The following CYSTM1 variants were observed in gnomAD, a reference collection of about 807,000 sequenced individuals.
The protein encoded by CYSTM1 is cysteine-rich transmembrane module-containing protein 1.
CYSTM1 carries 4 observed loss-of-function variants against 13.1 expected under a neutral mutation model. The ratio of observed to expected loss-of-function variants is 0.31; its 90% CI spans 0.15 to 0.70. The LOEUF is 0.70. Ranked by LOEUF, CYSTM1 falls within the 30% of genes least tolerant of loss-of-function variation. CYSTM1 has a pLI of 0.72. For synonymous variants in CYSTM1, 36 were observed against 42.7 expected, an observed-to-expected ratio of 0.84 and a Z score of 0.62; for missense variants, 96 against 121.6, an observed-to-expected ratio of 0.79 and a Z score of 0.99.
rs1372703434 is a variant in CYSTM1 at position 140,239,239 on chromosome 5, G to A, written c.188-4066G>A. ...GATGCCAGAATGGGGCTGAGAATTG[G>A]AGCCTTCACCTGAGAAGGCCTATAC... is the stretch of plus-strand genomic sequence containing the variant. On this transcript the variant is annotated intron_variant, in intron 2 of 2. Transcript: ENST00000261811. This position sits in a 1 kb window ranked among gnomAD's most constrained non-coding sequence, Gnocchi z 5.4. 6.6e-6 allele frequency among the ~76,000 whole-genome samples: 1 copy of A among 152,034 alleles called. No homozygotes were observed. Among genetic ancestry groups the A allele is most frequent in the Non-Finnish European group, 1.5e-5 (1 of 67,978 alleles).
intron 1 of CYSTM1, among the ~76,000 whole-genome samples, chr5:140,182,682 A>C (rs949705379): frequency 6.6e-6 from 1 of 151,152 alleles, no homozygotes; most frequent in African/African-American, 2.4e-5. Context: ...TTCCTTTCAC[A>C]TATAGAGAAC....
chr5:140,211,354 G>T (rs1463345215), intron 2 of CYSTM1, among the ~76,000 whole-genome samples: 1 of 152,224 alleles, frequency 6.6e-6, no homozygotes, highest in Non-Finnish European at 1.5e-5. Flanking sequence ...ATGCTTGTCA[G>T]CAACTACCAC....
rs545774242 is a variant in CYSTM1 at position 140,221,033 on chromosome 5, A to C, written c.188-22272A>C. Among the ~76,000 whole-genome samples the C allele has an allele frequency of 5.0e-3, 768 of 152,260 alleles. 3 individuals carry two copies. Among genetic ancestry groups the C allele is most frequent in the Middle Eastern group, 0.01 (3 of 294 alleles). Reference sequence around the variant, plus strand: ...TCCTGGAATTCTCATGTATAAACAGAGGATTAAAGAATGCAAGTTTCTTAG... The same window carrying C: ...TCCTGGAATTCTCATGTATAAACAGCGGATTAAAGAATGCAAGTTTCTTAG... On this transcript the variant is annotated intron_variant, in intron 2 of 2. Coordinates refer to ENST00000261811, the MANE Select transcript of CYSTM1 (RefSeq NM_032412.4).
At chr5:140,196,614 G>A (rs990177899) in intron 2 of CYSTM1, among the ~76,000 whole-genome samples, 1 of 152,178 alleles carries the variant, frequency 6.6e-6, no homozygotes, top group Non-Finnish European at 1.5e-5. Context: ...CTCGGAAGAG[G>A]GCAGGAAGTA....
intron 1 of CYSTM1, among the ~76,000 whole-genome samples, chr5:140,185,410 G>A (rs1236838196): frequency 6.6e-6 from 1 of 152,216 alleles, no homozygotes; most frequent in East Asian, 1.9e-4. Flanking sequence ...TCAGGGCCTG[G>A]TAAAACTCTG....
At chr5:140,235,234 CT>C (rs1190071200) in intron 2 of CYSTM1, among the ~76,000 whole-genome samples, 1 of 152,020 alleles carries the variant, frequency 6.6e-6, no homozygotes, top group East Asian at 1.9e-4. Context: ...TCCCAAAGTG[CT>C]GGGATTACAG....
chr5:140,197,451 T>C (rs1443215813), intron 2 of CYSTM1, among the ~76,000 whole-genome samples: 1 of 152,226 alleles, frequency 6.6e-6, no homozygotes, highest in Non-Finnish European at 1.5e-5. Context: ...CATTAGCTTG[T>C]GAATTATTAA....
At chr5:140,242,275 G>A (rs1425680138) in intron 2 of CYSTM1, among the ~76,000 whole-genome samples, 3 of 152,270 alleles carry the variant, frequency 2.0e-5, no homozygotes, top group South Asian at 2.1e-4. Flanking sequence ...GGGAGGACCT[G>A]GAAAATCTCC....
Position 140,243,445 on chromosome 5 carries a change from C to G in CYSTM1, c.*34C>G, listed in dbSNP as rs1416217941. On this transcript the variant is annotated 3_prime_UTR_variant, in exon 3 of 3. Coordinates refer to ENST00000261811, the MANE Select transcript of CYSTM1 (RefSeq NM_032412.4). ...GCCCAGCCGTCCTGTCCTGCCAGCTCTGCTGCCACCTCTGACAGGTGTGCC... is the reference window on the plus strand; with the variant it reads ...GCCCAGCCGTCCTGTCCTGCCAGCTGTGCTGCCACCTCTGACAGGTGTGCC... 1 of 1,586,328 alleles carries G rather than the reference C, an allele frequency of 6.3e-7. No individual in the cohort carries two copies. Among genetic ancestry groups the G allele is most frequent in the East Asian group, 2.2e-5 (1 of 44,690 alleles).
chr5:140,208,555 G>A (rs1764325297), intron 2 of CYSTM1, among the ~76,000 whole-genome samples: 2 of 152,078 alleles, frequency 1.3e-5, no homozygotes, highest in African/African-American at 4.8e-5. Flanking sequence ...TAATTTTATT[G>A]TACATTTAAA....
chr5:140,198,521 T>A (rs189144343), intron 2 of CYSTM1, among the ~76,000 whole-genome samples: 1 of 152,346 alleles, frequency 6.6e-6, no homozygotes, highest in Admixed American at 6.5e-5. Flanking sequence ...CTGCTTTACA[T>A]GACAACTAGC....
At chr5:140,196,156 T>C (rs1291393876) in intron 2 of CYSTM1, among the ~76,000 whole-genome samples, 1 of 152,200 alleles carries the variant, frequency 6.6e-6, no homozygotes, top group African/African-American at 2.4e-5. Context: ...AGTGATGTAA[T>C]AGAGGTACAA....
Position 140,178,441 on chromosome 5 carries a change from C to CTTTTTTTTTTTTTTTTTTTTTTTTTTT in CYSTM1, c.-21+3181_-21+3182insTTTTTTTTTTTTTTTTTTTTTTTTTTT, listed in dbSNP as rs577709524. Among the ~76,000 whole-genome samples the CTTTTTTTTTTTTTTTTTTTTTTTTTTT allele has an allele frequency of 1.7e-4, 9 of 52,666 alleles. 2 individuals are homozygous for CTTTTTTTTTTTTTTTTTTTTTTTTTTT. The highest frequency in any genetic ancestry group is 2.5e-4 in the African/African-American group (3 of 11,822). The allele number at this position is 52,666 out of a possible 152,430, so 34.6% of individuals were successfully genotyped here. The stretch of plus-strand genomic sequence containing the variant: ...TGGAAAAGCCCTATTCAAGTCCTTC[C>CTTTTTTTTTTTTTTTTTTTTTTTTTTT]TTTTTTTTTTTTTTTTTTTTTTTTT... On this transcript the variant is annotated intron_variant, in intron 1 of 2. Transcript: ENST00000261811.
intron 2 of CYSTM1, among the ~76,000 whole-genome samples, chr5:140,225,914 T>G (rs1764544046): frequency 6.6e-6 from 1 of 152,218 alleles, no homozygotes; most frequent in Non-Finnish European, 1.5e-5. Flanking sequence ...AGGGGCTAAC[T>G]GATCTTGCAG....
chr5:140,235,312 G>A (rs1405104028), intron 2 of CYSTM1, among the ~76,000 whole-genome samples: 2 of 151,584 alleles, frequency 1.3e-5, no homozygotes, highest in Non-Finnish European at 2.9e-5. Flanking sequence ...TTAGGGATAT[G>A]TTCATGATAT....
In CYSTM1 at chr5:140,239,170, G is replaced by A. The variant is rs765143969; in HGVS notation, c.188-4135G>A. Among the ~76,000 whole-genome samples, 4 of 152,134 alleles carry A rather than the reference G, an allele frequency of 2.6e-5. No individual in the cohort carries two copies. Among genetic ancestry groups the A allele is most frequent in the Non-Finnish European group, 5.9e-5 (4 of 68,014 alleles). On this transcript the variant is annotated intron_variant, in intron 2 of 2. Transcript: ENST00000261811. The surrounding 1 kb of genome is among the most constrained non-coding windows in gnomAD (Gnocchi z 5.4). ...GCTCAATTACCACATCAAGGCACTC[G>A]ATTCATCATTTACAAAGTCCCAGCC...
rs1379817778 is a variant in CYSTM1 at position 140,177,715 on chromosome 5, T to C, written c.-21+2430T>C. On this transcript the variant is annotated intron_variant, in intron 1 of 2. Transcript: ENST00000261811. ...GAGTAGTTTTTTCCCCGTGTGTTCC[T>C]GTTGAGTGGTAGAGATTATGATAGT... 2.6e-5 allele frequency among the ~76,000 whole-genome samples: 4 copies of C among 152,226 alleles called. No individual in the cohort carries two copies. The South Asian group carries it at 6.2e-4, about 24-fold the overall frequency.
At chr5:140,234,793 T>C (rs1764659136) in intron 2 of CYSTM1, among the ~76,000 whole-genome samples, 1 of 152,226 alleles carries the variant, frequency 6.6e-6, no homozygotes, top group African/African-American at 2.4e-5. Flanking sequence ...GCCTCACTTC[T>C]GAGCAGGTCA....
At chr5:140,215,183 A>G (rs1029271186) in intron 2 of CYSTM1, among the ~76,000 whole-genome samples, 9 of 152,226 alleles carry the variant, frequency 5.9e-5, no homozygotes, top group Non-Finnish European at 1.5e-5. Flanking sequence ...AGAACTGTCT[A>G]TACTAGTAGA....
Sources: allele counts gnomAD v4.1 joint callset (sites outside exome capture counted in the v4.1 genomes callset), GRCh38; gene constraint gnomAD v4.1.1; non-coding constraint Gnocchi (gnomAD v3.1); transcripts MANE v1.5; gene names NCBI Gene and HGNC (gene_info 2026-07-23, HGNC 2026-07-21).